The following ZNF727 variants were observed in gnomAD, a reference collection of about 807,000 sequenced individuals.
The protein encoded by ZNF727 is zinc finger protein 727.
ZNF727 carries 11 observed loss-of-function variants against 11.5 expected under a neutral mutation model. The ratio of observed to expected loss-of-function variants is 0.95; its 90% confidence interval spans 0.60 to 1.58. The LOEUF is 1.58. Among genes scored for constraint, ZNF727 ranks in the 40% most tolerant of loss-of-function variants. The pLI is 0.00. For missense variants in ZNF727, 533 were observed against 581.7 expected (o/e 0.92, Z 0.86); for synonymous variants, 171 against 196.1 (o/e 0.87, Z 1.07).
chr7:64,074,950 A>T (rs974037152), intron 3 of ZNF727, among the ~76,000 whole-genome samples: 8 of 151,840 alleles, frequency 5.3e-5, no homozygotes, highest in African/African-American at 1.7e-4. Flanking sequence ...TCCTATATAT[A>T]TTTTTTTCTT....
intron 1 of ZNF727, among the ~76,000 whole-genome samples, chr7:64,048,403 C>T (rs1006771726): frequency 1.1e-4 from 16 of 152,148 alleles, no homozygotes; most frequent in African/African-American, 3.9e-4. Flanking sequence ...GAGGAAATGT[C>T]TGTCTCATGA....
intron 1 of ZNF727, among the ~76,000 whole-genome samples, chr7:64,054,075 G>T (rs568386883): frequency 1.6e-4 from 24 of 152,326 alleles, no homozygotes; most frequent in African/African-American, 5.8e-4. Flanking sequence ...AGGCACAGAT[G>T]TACAGCAGGA....
In ZNF727 at chr7:64,078,192, A is replaced by T. The variant is rs2116331562; in HGVS notation, c.1143A>T (p.Ser381=). ...GTGGCAAAACCTTTAAGTGGTTCTC[A>T]GACCTGACTAATCATAAGAGAATTC... is the stretch of plus-strand genomic sequence containing the variant. ...EECGKTFKWF[S]DLTNHKRIHT... is the part of the protein sequence containing the mutation. The change falls in exon 4 of 4, where the codon TCA becomes TCT. Residue 381 remains serine (S), a synonymous_variant. Coordinates refer to ENST00000456806, the MANE Select transcript of ZNF727 (RefSeq NM_001159522.3). 6.3e-7 allele frequency: 1 copy of T among 1,599,922 alleles called. No homozygotes were observed. Among genetic ancestry groups the T allele is most frequent in the East Asian group, 2.3e-5 (1 of 43,942 alleles).
In ZNF727 at chr7:64,077,979, A is replaced by T; in HGVS notation, c.930A>T (p.Lys310Asn). 1 of 1,597,512 alleles carries T rather than the reference A, an allele frequency of 6.3e-7. No homozygotes were observed. The highest frequency in any genetic ancestry group is 1.1e-5 in the South Asian group (1 of 89,232). ...TKHKRIHTGE[K>N]PYKCNECGKA... ...ATAAGAGAATTCATACTGGAGAGAA[A>T]CCCTACAAATGTAATGAATGTGGAA... Residue 310 changes from lysine to asparagine, a missense_variant, in exon 4 of 4, where the codon AAA (lysine) becomes AAT (asparagine). By Grantham distance (94) the Lys-to-Asn change is moderately conservative (BLOSUM62 0). This residue lies in a region of ZNF727 where 463 missense variants were observed against 494.5 expected (regional missense o/e 0.94). Transcript: ENST00000456806.
rs1025672085 is a variant in ZNF727 at position 64,081,020 on chromosome 7, A to T, written c.*2471A>T. Among the ~76,000 whole-genome samples the T allele has an allele frequency of 2.0e-5, 3 of 151,926 alleles. No homozygotes were observed. The highest frequency in any genetic ancestry group is 7.3e-5 in the African/African-American group (3 of 41,356). Reference sequence around the variant, plus strand: ...TCTGGGGGAGTTGTATTGAGCCCCAACTGTGTTCTGTGGCTCCTTGTGATT... The same window carrying T: ...TCTGGGGGAGTTGTATTGAGCCCCATCTGTGTTCTGTGGCTCCTTGTGATT... On this transcript the variant is annotated 3_prime_UTR_variant, in exon 4 of 4. Coordinates refer to ENST00000456806, the MANE Select transcript of ZNF727 (RefSeq NM_001159522.3).
chr7:64,062,871 T>C (rs973430428), intron 1 of ZNF727, among the ~76,000 whole-genome samples: 1 of 150,878 alleles, frequency 6.6e-6, no homozygotes, highest in Admixed American at 6.6e-5. Context: ...TTCTTTCTTC[T>C]GCTTGATCAG....
chr7:64,073,774 G>C (rs1224561761), intron 3 of ZNF727, among the ~76,000 whole-genome samples: 2 of 152,144 alleles, frequency 1.3e-5, no homozygotes, highest in East Asian at 3.9e-4. Context: ...AAGATAAAGA[G>C]ACTTTTCCTC....
In ZNF727 at chr7:64,078,452, T is replaced by TTAAACACAA; in HGVS notation, c.1404_1412dup (p.His470_Lys471insAsnLysHis). ...ACCTTTACCTGCTCCTCAAGCCTTA[T>TTAAACACAA]TAAACACAAGAGAAGTCATACTGGA... On this transcript the variant is annotated inframe_insertion, in exon 4 of 4. Coordinates refer to ENST00000456806, the MANE Select transcript of ZNF727 (RefSeq NM_001159522.3). 3 of 1,576,544 alleles carry TTAAACACAA rather than the reference T, an allele frequency of 1.9e-6. No individual in the cohort carries two copies. The highest frequency in any genetic ancestry group is 2.6e-6 in the Non-Finnish European group (3 of 1,160,824).
At chr7:64,067,066 C>T (rs1197028865) in intron 1 of ZNF727, among the ~76,000 whole-genome samples, 1 of 152,078 alleles carries the variant, frequency 6.6e-6, no homozygotes, top group Non-Finnish European at 1.5e-5. Flanking sequence ...AAGAAAACAA[C>T]CCCATCAAAA....
At chr7:64,046,966 C>G (rs1375999299) in intron 1 of ZNF727, among the ~76,000 whole-genome samples, 1 of 150,924 alleles carries the variant, frequency 6.6e-6, no homozygotes, top group Admixed American at 6.6e-5. Context: ...GTTGGTTAAG[C>G]CTAAGTTTTG....
chr7:64,054,797 T>G (rs1419317187), intron 1 of ZNF727, among the ~76,000 whole-genome samples: 3 of 152,198 alleles, frequency 2.0e-5, no homozygotes, highest in Non-Finnish European at 4.4e-5. Context: ...GATATTATTT[T>G]CAAATTTATG....
chr7:64,049,771 A>G (rs981084), intron 1 of ZNF727, among the ~76,000 whole-genome samples: 96,358 of 150,956 alleles, frequency 0.64, 31,477 homozygotes, highest in Non-Finnish European at 0.71. Context: ...ATTTAGAGAT[A>G]ATCTAGATGT....
intron 1 of ZNF727, among the ~76,000 whole-genome samples, chr7:64,056,002 G>A (rs1291417884): frequency 6.6e-6 from 1 of 152,004 alleles, no homozygotes; most frequent in African/African-American, 2.4e-5. Context: ...TGCACCAGGA[G>A]TTAAAAAACA....
chr7:64,053,628 T>C (rs1210838698), intron 1 of ZNF727, among the ~76,000 whole-genome samples: 5 of 152,192 alleles, frequency 3.3e-5, no homozygotes, highest in African/African-American at 7.2e-5. Context: ...TGAGATCTGA[T>C]AGTTTTAAAA....
intron 2 of ZNF727, 21 bp from the exon 3 acceptor site, chr7:64,069,493 T>G (rs1410750932): frequency 6.5e-7 from 1 of 1,527,186 alleles, no homozygotes; most frequent in Non-Finnish European, 8.9e-7. Context: ...AGAGTCATGT[T>G]ATTTTTTTCT....
intron 1 of ZNF727, among the ~76,000 whole-genome samples, chr7:64,059,546 C>A (rs902871820): frequency 2.6e-5 from 4 of 152,140 alleles, no homozygotes; most frequent in African/African-American, 9.7e-5. Flanking sequence ...GATGTTGAGG[C>A]CTTATTGATT....
At chr7:64,066,961 C>A (rs1441183196) in intron 1 of ZNF727, among the ~76,000 whole-genome samples, 3 of 151,472 alleles carry the variant, frequency 2.0e-5, no homozygotes, top group African/African-American at 7.3e-5. Context: ...CCAGAAAAAA[C>A]TAAACAAACA....
rs1317504713 is a variant in ZNF727, at chr7:64,077,866, A to G, written c.817A>G (p.Lys273Glu). ...KAFRCCSDLT[K>E]HKRIHTGEKP... ...CTTTAGGTGTTGCTCAGACCTTACT[A>G]AACATAAGAGAATTCATACTGGAGA... The change falls in exon 4 of 4, where the codon AAA becomes GAA. Residue 273 changes from lysine (K) to glutamate (E), a missense_variant. Coordinates refer to ENST00000456806, the MANE Select transcript of ZNF727 (RefSeq NM_001159522.3). The G allele has an allele frequency of 1.3e-6, 2 of 1,571,948 alleles. No individual in the cohort carries two copies. Among genetic ancestry groups the G allele is most frequent in the Non-Finnish European group, 1.7e-6 (2 of 1,158,246 alleles).
At chr7:64,058,135 G>A (rs1177872346) in intron 1 of ZNF727, among the ~76,000 whole-genome samples, 1 of 152,168 alleles carries the variant, frequency 6.6e-6, no homozygotes, top group Non-Finnish European at 1.5e-5. Flanking sequence ...GTGCCTGTGA[G>A]TTACTCAGCA....
Sources: gnomAD v4.1 joint callset for allele counts (sites outside exome capture counted in the v4.1 genomes callset) on GRCh38, gnomAD v4.1.1 for gene constraint, gnomAD v4.1.1 regional missense constraint, MANE v1.5 for transcripts, NCBI Gene and HGNC (gene_info 2026-07-23, HGNC 2026-07-21) for gene names.